The following PIWIL2 variants were observed in gnomAD, a reference collection of about 807,000 sequenced individuals.
PIWIL2 encodes the protein piwi like RNA-mediated gene silencing 2.
PIWIL2 carries 81 observed loss-of-function variants against 116.5 expected under a neutral mutation model. That is an observed-to-expected ratio of 0.70 (90% CI 0.58 to 0.84). PIWIL2 has a LOEUF of 0.84. Among genes scored for constraint, PIWIL2 ranks in the 40% least tolerant of loss-of-function variants. PIWIL2 has a pLI of 0.00. For missense variants in PIWIL2, 1,272 were observed against 1,212.3 expected (o/e 1.05, Z -0.73); for synonymous variants, 489 against 429.5 (o/e 1.14, Z -1.71).
intron 10 of PIWIL2, among the ~76,000 whole-genome samples, chr8:22,292,826 G>C (rs1830795382): frequency 6.6e-6 from 1 of 152,176 alleles, no homozygotes; most frequent in South Asian, 2.1e-4. Context: ...TGGCCTGTTT[G>C]GGGATTTGGC....
chr8:22,303,392 T>C (rs1346409385), intron 10 of PIWIL2, among the ~76,000 whole-genome samples: 2 of 152,128 alleles, frequency 1.3e-5, no homozygotes, highest in Non-Finnish European at 2.9e-5. Context: ...TTTTAAACAA[T>C]TAATTTTAAT....
intron 15 of PIWIL2, among the ~76,000 whole-genome samples, chr8:22,310,783 T>A (rs895519378): frequency 3.3e-5 from 5 of 152,194 alleles, no homozygotes; most frequent in Admixed American, 6.5e-5. Flanking sequence ...ACAGATTGAT[T>A]TTACCAATTT....
intron 13 of PIWIL2, among the ~76,000 whole-genome samples, chr8:22,307,706 C>T (rs972155845): frequency 1.3e-5 from 2 of 151,844 alleles, no homozygotes; most frequent in Admixed American, 6.6e-5. Flanking sequence ...ATGTTGGTCT[C>T]GAACACCTGG....
intron 20 of PIWIL2, among the ~76,000 whole-genome samples, chr8:22,318,634 A>G (rs1448492599): frequency 1.3e-5 from 2 of 152,060 alleles, no homozygotes; most frequent in East Asian, 1.9e-4. Context: ...CTGGGATTTT[A>G]AGGATTACCT....
At chr8:22,276,599 C>T (rs1312394626) in intron 1 of PIWIL2, among the ~76,000 whole-genome samples, 1 of 152,190 alleles carries the variant, frequency 6.6e-6, no homozygotes, top group East Asian at 1.9e-4. Flanking sequence ...CAGGCGCGAG[C>T]CACCACCCCC....
Position 22,275,324 on chromosome 8 carries a change from C to CATGTGGGCCCT in PIWIL2, c.-121_-120insATGTGGGCCCT, listed in dbSNP as rs1563335071. 2 of 152,422 alleles carry CATGTGGGCCCT rather than the reference C, an allele frequency of 1.3e-5. No individual in the cohort carries two copies. The highest frequency in any genetic ancestry group is 2.9e-5 in the Non-Finnish European group (2 of 68,252). The allele number at this position is 152,422 out of a possible 1,614,324, so 9.4% of individuals were successfully genotyped here. A position where few individuals can be genotyped will look rare whatever the true frequency, so the allele number is the denominator to read the frequency against. On this transcript the variant is annotated 5_prime_UTR_variant, in exon 1 of 23. In the 5' UTR this introduces an upstream ATG that the reference lacks. Transcript: ENST00000356766. ...AATTGGCCCTGGAGCATGTGGGCCC[C>CATGTGGGCCCT]GGGGCGTGGGTTGAGCTCGGTCTTC...
chr8:22,289,094 A>G (rs893192910), intron 8 of PIWIL2, among the ~76,000 whole-genome samples: 7 of 151,674 alleles, frequency 4.6e-5, no homozygotes, highest in African/African-American at 1.7e-4. Context: ...TAGTTTTCAT[A>G]CAGCCGCTAT....
rs1465303303 is a variant in PIWIL2, at chr8:22,279,604, C to T, written c.198+20C>T. 4 of 1,603,294 alleles carry T rather than the reference C, an allele frequency of 2.5e-6. No individual in the cohort carries two copies. The Admixed American group carries it at 6.7e-5, about 27-fold the overall frequency. The stretch of plus-strand genomic sequence containing the variant: ...CAAAGGGTAAGACCACTTCCGGATG[C>T]ATAGGAGTGGCATACAGCTTACCTG... On this transcript the variant is annotated intron_variant, in intron 2 of 22. Transcript: ENST00000356766.
chr8:22,291,566 A>G (rs985605450), intron 10 of PIWIL2, among the ~76,000 whole-genome samples: 2 of 152,224 alleles, frequency 1.3e-5, no homozygotes, highest in African/African-American at 4.8e-5. Context: ...AGGGCTGAAC[A>G]TTCTAAATCC....
At chr8:22,326,851 T>C (rs911097545) in intron 20 of PIWIL2, among the ~76,000 whole-genome samples, 2 of 152,108 alleles carry the variant, frequency 1.3e-5, no homozygotes, top group African/African-American at 2.4e-5. Context: ...CTTTTTGATA[T>C]ATACCTAGGA....
chr8:22,350,572 C>T (rs114941737), intron 20 of PIWIL2, among the ~76,000 whole-genome samples: 1,724 of 152,040 alleles, frequency 0.011, 30 homozygotes, highest in African/African-American at 0.039. Context: ...ACTGCAGCCT[C>T]GGCAAGAGCA....
chr8:22,305,318 G>C (rs1198848642), intron 12 of PIWIL2, among the ~76,000 whole-genome samples: 1 of 151,908 alleles, frequency 6.6e-6, no homozygotes, highest in Non-Finnish European at 1.5e-5. Flanking sequence ...TCAGCCTCCT[G>C]AGTAGCTGGG....
intron 20 of PIWIL2, among the ~76,000 whole-genome samples, chr8:22,339,664 A>G (rs1289295109): frequency 1.3e-5 from 2 of 152,334 alleles, no homozygotes. Flanking sequence ...TTGTGCTTCA[A>G]AAGACACTAT....
Position 22,352,946 on chromosome 8 carries a change from G to T in PIWIL2, c.2404-13G>T, listed in dbSNP as rs191853857. The T allele has an allele frequency of 6.2e-7, 1 of 1,603,656 alleles. No individual in the cohort carries two copies. Among genetic ancestry groups the T allele is most frequent in the Non-Finnish European group, 8.5e-7 (1 of 1,172,952 alleles). On this transcript the variant is annotated splice_polypyrimidine_tract_variant and intron_variant, in intron 20 of 22. Transcript: ENST00000356766. ...GGGCTCTGTGAGTCACCACATCCTC[G>T]CTGTCATTTCAGGTGAACCACTGTC...
chr8:22,301,692 A>G (rs1439563522), intron 10 of PIWIL2, among the ~76,000 whole-genome samples: 1 of 150,468 alleles, frequency 6.6e-6, no homozygotes, highest in African/African-American at 2.4e-5. Context: ...TATCCAAGAA[A>G]TCATTGCCTA....
intron 20 of PIWIL2, among the ~76,000 whole-genome samples, chr8:22,352,384 C>T (rs1832393034): frequency 6.6e-6 from 1 of 152,184 alleles, no homozygotes; most frequent in African/African-American, 2.4e-5. Flanking sequence ...TAGCTGTTTG[C>T]TAATTACTTA....
chr8:22,348,452 C>T (rs937681756), intron 20 of PIWIL2, among the ~76,000 whole-genome samples: 6 of 152,168 alleles, frequency 3.9e-5, no homozygotes, highest in East Asian at 1.9e-4. Context: ...TGCCCCTCTG[C>T]GCAGTGCTAA....
rs754976921 is a variant in PIWIL2, at chr8:22,279,567, A to G, written c.181A>G (p.Arg61Gly). ...AAAGCCAGAGGAACCAAGCACACAG[A>G]GGGGGCCAGCACAAAGGGTAAGACC... ...FGKPEEPSTQ[R>G]GPAQRESVGL... The change falls in exon 2 of 23, where the codon AGG becomes GGG. Residue 61 changes from arginine to glycine, a missense_variant. By Grantham distance (125) the Arg-to-Gly change is moderately radical. Coordinates refer to ENST00000356766, the MANE Select transcript of PIWIL2 (RefSeq NM_018068.5). 1.9e-6 allele frequency: 3 copies of G among 1,614,000 alleles called. No individual in the cohort carries two copies. Among genetic ancestry groups the G allele is most frequent in the Admixed American group, 1.7e-5 (1 of 60,014 alleles).
chr8:22,313,339 T>G (rs1380576470), intron 16 of PIWIL2, among the ~76,000 whole-genome samples: 2 of 152,188 alleles, frequency 1.3e-5, no homozygotes, highest in African/African-American at 4.8e-5. Context: ...ACTGGAGATA[T>G]AAACCCAGGA....
Sources: gnomAD v4.1 joint callset for allele counts (sites outside exome capture counted in the v4.1 genomes callset) on GRCh38, gnomAD v4.1.1 for gene constraint, MANE v1.5 for transcripts, NCBI Gene and HGNC (gene_info 2026-07-23, HGNC 2026-07-21) for gene names.